Variants in MACROD2 observed in about 807,000 individuals in gnomAD.
MACROD2 encodes the protein mono-ADP ribosylhydrolase 2.
In MACROD2, 36 loss-of-function variants were observed where a neutral mutation model predicts 70.4. The ratio of observed to expected loss-of-function variants is 0.51; its 90% confidence interval spans 0.39 to 0.68. The LOEUF is 0.68. MACROD2 is among the 30% of genes least tolerant of loss of function. MACROD2 has a pLI of 0.00. For synonymous variants in MACROD2, 172 were observed against 178.8 expected, an observed-to-expected ratio of 0.96 and a Z score of 0.30; for missense variants, 496 against 538.4, an observed-to-expected ratio of 0.92 and a Z score of 0.78.
intron 8 of MACROD2, among the ~76,000 whole-genome samples, chr20:15,589,931 G>T (rs1241096527): frequency 1.3e-5 from 2 of 152,026 alleles, no homozygotes; most frequent in African/African-American, 4.8e-5. Flanking sequence ...AAATAGCAAG[G>T]TTAGCTAGAA....
chr20:15,009,398 G>T (rs2075064302), intron 5 of MACROD2, among the ~76,000 whole-genome samples: 1 of 152,106 alleles, frequency 6.6e-6, no homozygotes, highest in Non-Finnish European at 1.5e-5. Flanking sequence ...AGCTTCTTGG[G>T]TGCCTTCTGG....
At chr20:14,017,184 A>T (rs1024099695) in intron 2 of MACROD2, among the ~76,000 whole-genome samples, 2 of 152,092 alleles carry the variant, frequency 1.3e-5, no homozygotes, top group Non-Finnish European at 2.9e-5. Context: ...ATTTTCATGT[A>T]TTGATTTTGT....
At chr20:15,993,878 G>A (rs1361692595) in intron 15 of MACROD2, among the ~76,000 whole-genome samples, 1 of 152,060 alleles carries the variant, frequency 6.6e-6, no homozygotes, top group East Asian at 1.9e-4. Context: ...GTACAGATGT[G>A]TAAAATAGTC....
At chr20:15,371,713 T>C (rs1396730517) in intron 6 of MACROD2, among the ~76,000 whole-genome samples, 1 of 152,180 alleles carries the variant, frequency 6.6e-6, no homozygotes, top group Non-Finnish European at 1.5e-5. Flanking sequence ...GTATTATCAT[T>C]AAATTTTAGA....
chr20:14,574,540 C>T (rs1980441746), intron 4 of MACROD2, among the ~76,000 whole-genome samples: 1 of 152,084 alleles, frequency 6.6e-6, no homozygotes, highest in Non-Finnish European at 1.5e-5. Context: ...ATGCTCTTTT[C>T]ACTTGCCCCC....
chr20:15,216,589 C>T (rs923653348), intron 5 of MACROD2, among the ~76,000 whole-genome samples: 13 of 152,092 alleles, frequency 8.5e-5, no homozygotes, highest in South Asian at 2.1e-4. Context: ...AGTAGTATTA[C>T]GGAAGTCTCC....
At chr20:15,581,882 G>C (rs2048529315) in intron 8 of MACROD2, among the ~76,000 whole-genome samples, 1 of 152,208 alleles carries the variant, frequency 6.6e-6, no homozygotes, top group African/African-American at 2.4e-5. Flanking sequence ...AGCACTTTGG[G>C]AGGCCGAGGC....
chr20:14,580,535 G>C (rs572800011), intron 4 of MACROD2, among the ~76,000 whole-genome samples: 1 of 152,258 alleles, frequency 6.6e-6, no homozygotes, highest in East Asian at 1.9e-4. Flanking sequence ...TCTTGTATCT[G>C]CATTTTGTAT....
chr20:15,161,620 T>A (rs567437245), intron 5 of MACROD2, among the ~76,000 whole-genome samples: 1 of 152,062 alleles, frequency 6.6e-6, no homozygotes, highest in South Asian at 2.1e-4. Context: ...AAATTACGAT[T>A]TTCTTCTAAA....
intron 15 of MACROD2, 47 bp downstream of exon 15, chr20:15,987,205 G>C: frequency 7.0e-7 from 1 of 1,431,132 alleles, no homozygotes; most frequent in Non-Finnish European, 9.6e-7. Context: ...GAGTTTCTTT[G>C]GATTCCTGCC....
At chr20:14,625,622 C>T (rs1341603701) in intron 4 of MACROD2, among the ~76,000 whole-genome samples, 7 of 152,194 alleles carry the variant, frequency 4.6e-5, no homozygotes, top group Non-Finnish European at 1.0e-4. Flanking sequence ...CAATATTGAC[C>T]TGGCCACTGC....
chr20:14,298,666 T>A (rs2082448744), intron 3 of MACROD2, among the ~76,000 whole-genome samples: 1 of 151,632 alleles, frequency 6.6e-6, no homozygotes, highest in African/African-American at 2.4e-5. Flanking sequence ...GAAAACTTTG[T>A]AGAGAAAGGA....
At chr20:15,020,451 A>C (rs757121920) in intron 5 of MACROD2, among the ~76,000 whole-genome samples, 1 of 152,164 alleles carries the variant, frequency 6.6e-6, no homozygotes, top group Non-Finnish European at 1.5e-5. Flanking sequence ...TGTGTCTTAA[A>C]ACCAAAGTCA....
At chr20:15,441,846 G>C (rs1476177556) in intron 7 of MACROD2, among the ~76,000 whole-genome samples, 2 of 152,074 alleles carry the variant, frequency 1.3e-5, no homozygotes, top group Admixed American at 6.6e-5. Context: ...ACGAAACATT[G>C]AAACAGTAAG....
intron 6 of MACROD2, among the ~76,000 whole-genome samples, chr20:15,234,852 G>A (rs1378275939): frequency 6.6e-6 from 1 of 152,084 alleles, no homozygotes; most frequent in Non-Finnish European, 1.5e-5. Flanking sequence ...CGCACTGATG[G>A]AGAGGATACA....
intron 8 of MACROD2, among the ~76,000 whole-genome samples, chr20:15,795,476 A>G (rs1206004661): frequency 2.6e-5 from 4 of 152,148 alleles, no homozygotes; most frequent in African/African-American, 9.6e-5. Flanking sequence ...AGGGTAGGCC[A>G]TGGTGTAGTT....
chr20:15,819,660 G>C (rs2063918229), intron 8 of MACROD2, among the ~76,000 whole-genome samples: 1 of 151,648 alleles, frequency 6.6e-6, no homozygotes, highest in Non-Finnish European at 1.5e-5. Flanking sequence ...AAGCAAAATA[G>C]GCCAGATGCA....
At chr20:14,908,296 G>T (rs1339928254) in intron 5 of MACROD2, among the ~76,000 whole-genome samples, 1 of 151,496 alleles carries the variant, frequency 6.6e-6, no homozygotes, top group Non-Finnish European at 1.5e-5. Flanking sequence ...AGCTGAGATC[G>T]TGCCACTGCA....
At chr20:14,264,154 C>T (rs1474573848) in intron 3 of MACROD2, among the ~76,000 whole-genome samples, 1 of 89,932 alleles carries the variant, frequency 1.1e-5, no homozygotes, top group Non-Finnish European at 2.2e-5. Context: ...TGATCCATTT[C>T]ATTTCTAGAC....
Sources: allele counts gnomAD v4.1 joint callset (sites outside exome capture counted in the v4.1 genomes callset), GRCh38; gene constraint gnomAD v4.1.1; transcripts MANE v1.5; gene names NCBI Gene and HGNC (gene_info 2026-07-23, HGNC 2026-07-21).